The following CLU variants were observed in gnomAD, a reference collection of about 807,000 sequenced individuals.
CLU encodes clusterin, also known as aging-associated protein 4.
In CLU, 25 loss-of-function variants were observed where a neutral mutation model predicts 46.4. The ratio of observed to expected loss-of-function variants is 0.54; its 90% CI spans 0.39 to 0.75. CLU has a LOEUF of 0.75. CLU is among the 30% of genes least tolerant of loss of function. The pLI is 0.00. For synonymous variants in CLU, 235 were observed against 235.1 expected, an observed-to-expected ratio of 1.00 and a Z score of 0.00; for missense variants, 504 against 592.1, an observed-to-expected ratio of 0.85 and a Z score of 1.54.
At chr8:27,609,410 A>G (rs751658246) in intron 2 of CLU, among the ~76,000 whole-genome samples, 6 of 150,534 alleles carry the variant, frequency 4.0e-5, no homozygotes, top group Non-Finnish European at 8.9e-5. Flanking sequence ...AAAAAAACCC[A>G]GAAGTGTCAG....
At chr8:27,601,787 T>G (rs1800725796) in intron 6 of CLU, among the ~76,000 whole-genome samples, 1 of 152,038 alleles carries the variant, frequency 6.6e-6, no homozygotes, top group South Asian at 2.1e-4. Flanking sequence ...AACTTCATTA[T>G]TTTACCAAAA....
intron 2 of CLU, 126 bp downstream of exon 2, chr8:27,610,349 A>G (rs2128910218): frequency 1.3e-6 from 1 of 787,214 alleles, no homozygotes; most frequent in East Asian, 2.5e-5. Context: ...ACCCAGACCC[A>G]GTGCACAAGA....
chr8:27,610,546 A>G lies in CLU; in HGVS notation c.26T>C (p.Val9Ala), dbSNP rs745985571. Residue 9 changes from valine (V) to alanine (A), a missense_variant, in exon 2 of 9, where the codon GTG becomes GCG. By Grantham distance (64) the Val-to-Ala change is moderately conservative. This residue lies in a region of CLU where 73 missense variants were observed against 91.2 expected (regional missense o/e 0.80). Transcript: ENST00000316403. MMKTLLLFVGLLLTWESGQ... is the reference protein window; with the variant it reads MMKTLLLFAGLLLTWESGQ... ...ACTCTCCCAGGTCAGCAGCAGCCCCACAAACAGCAGCAGAGTCTTCATCAT... is the reference window on the plus strand; with the variant it reads ...ACTCTCCCAGGTCAGCAGCAGCCCCGCAAACAGCAGCAGAGTCTTCATCAT... 7 of 1,614,106 alleles carry G rather than the reference A, an allele frequency of 4.3e-6. No individual in the cohort carries two copies. The highest frequency in any genetic ancestry group is 5.9e-6 in the Non-Finnish European group (7 of 1,180,024).
In CLU at chr8:27,599,634, G is replaced by A. The variant is rs1414506722; in HGVS notation, c.1164+146C>T. 3 of 667,604 alleles carry A rather than the reference G, an allele frequency of 4.5e-6. No individual in the cohort carries two copies. Among genetic ancestry groups the A allele is most frequent in the South Asian group, 1.7e-5 (1 of 59,908 alleles). 41.4% of individuals were successfully genotyped at this position (667,604 alleles called of 1,614,324 possible). ...AGCAGGGTTATATTTTCCCTGAGTG[G>A]GTGATGAGGCTTCAAGGCAACAGGG... is the stretch of plus-strand genomic sequence containing the variant. On this transcript the variant is annotated intron_variant, in intron 7 of 8. Transcript: ENST00000316403. The surrounding 1 kb of genome is among the most constrained non-coding windows in gnomAD (Gnocchi z 4.0).
intron 7 of CLU, chr8:27,598,933 G>T: frequency 2.7e-6 from 1 of 373,406 alleles, no homozygotes; most frequent in Non-Finnish European, 4.9e-6. Context: ...CCCTTGGTCA[G>T]AGTAGGGTAG....
chr8:27,612,179 C>T (rs1800941029), intron 1 of CLU, among the ~76,000 whole-genome samples: 1 of 152,184 alleles, frequency 6.6e-6, no homozygotes, highest in African/African-American at 2.4e-5. Context: ...AACCTCTCTA[C>T]CCTAGCGGTG....
rs549647960 is a variant in CLU at position 27,604,357 on chromosome 8, G to A, written c.868C>T (p.His290Tyr). The part of the protein sequence containing the change: ...DDRTVCREIR[H>Y]NSTGCLRMKD... ...ATCCGCAGGCAGCCCGTGGAGTTGTGGCGGATCTCCCGGCACACAGTCCGG... is the reference window on the plus strand; with the variant it reads ...ATCCGCAGGCAGCCCGTGGAGTTGTAGCGGATCTCCCGGCACACAGTCCGG... The change falls in exon 6 of 9, where the codon CAC becomes TAC. Residue 290 changes from histidine to tyrosine, a missense_variant. By Grantham distance (83) the His-to-Tyr change is moderately conservative (BLOSUM62 2). Transcript: ENST00000316403. 6.2e-7 allele frequency: 1 copy of A among 1,614,166 alleles called. No homozygotes were observed. The highest frequency in any genetic ancestry group is 1.3e-5 in the African/African-American group (1 of 75,042).
intron 6 of CLU, among the ~76,000 whole-genome samples, chr8:27,601,046 T>C (rs1202419568): frequency 1.3e-5 from 2 of 152,190 alleles, no homozygotes; most frequent in Non-Finnish European, 2.9e-5. Flanking sequence ...TGGACAATCC[T>C]CCAAGCTTGT....
intron 6 of CLU, among the ~76,000 whole-genome samples, chr8:27,601,639 C>T (rs371213388): frequency 2.4e-4 from 36 of 152,282 alleles, no homozygotes; most frequent in African/African-American, 8.4e-4. Flanking sequence ...GTACATCAAA[C>T]GTGAGTCAGG....
chr8:27,604,272 G>T lies in CLU; in HGVS notation c.934+19C>A. ...CAAGGGATCAGGGGGGACGGCTTGT[G>T]GTCTGGACCCCGACTCACCCACAGA... On this transcript the variant is annotated intron_variant, in intron 6 of 8. Coordinates refer to ENST00000316403, the MANE Select transcript of CLU (RefSeq NM_001831.4). The T allele has an allele frequency of 1.2e-6, 2 of 1,600,526 alleles. No homozygotes were observed. Among genetic ancestry groups the T allele is most frequent in the Non-Finnish European group, 1.7e-6 (2 of 1,168,082 alleles).
In CLU at chr8:27,608,992, G is replaced by C. The variant is rs146277764; in HGVS notation, c.192C>G (p.Asn64Lys). 10 of 1,614,042 alleles carry C rather than the reference G, an allele frequency of 6.2e-6. No individual in the cohort carries two copies. The African/African-American group carries it at 1.2e-4, about 19-fold the overall frequency. The change falls in exon 3 of 9, where the codon AAC (asparagine) becomes AAG (lysine). Residue 64 changes from asparagine (N) to lysine (K), a missense_variant. Transcript: ENST00000316403. ...TGCTGAGCAGTGTCTTGCGCTCTTC[G>C]TTTGTTTTTTCTATGAGAGTCTTTA... is the stretch of plus-strand genomic sequence containing the variant. ...KQIKTLIEKTNEERKTLLSNL... is the reference protein window; with the variant it reads ...KQIKTLIEKTKEERKTLLSNL...
chr8:27,601,719 G>A (rs1800724541), intron 6 of CLU, among the ~76,000 whole-genome samples: 1 of 152,018 alleles, frequency 6.6e-6, no homozygotes, highest in African/African-American at 2.4e-5. Context: ...ATGTTAGGTG[G>A]GGAAAGAAAC....
chr8:27,611,033 G>T (rs535300838), intron 1 of CLU: 464 of 377,482 alleles, frequency 1.2e-3, no homozygotes, highest in Middle Eastern at 5.8e-3. Flanking sequence ...TCCACAGAGG[G>T]ACTGCATCCC....
At chr8:27,611,089 C>T (rs1800919161) in intron 1 of CLU, 4 of 415,014 alleles carry the variant, frequency 9.6e-6, no homozygotes, top group Non-Finnish European at 1.9e-5. Flanking sequence ...ACCTTCACCC[C>T]AGCAGACGCT....
In CLU at chr8:27,598,465, C is replaced by T. The variant is rs1479583180; in HGVS notation, c.1335G>A (p.Lys445=). 6.2e-7 allele frequency: 1 copy of T among 1,613,872 alleles called. No homozygotes were observed. The highest frequency in any genetic ancestry group is 1.7e-5 in the Admixed American group (1 of 59,984). The change falls in exon 8 of 9, where the codon AAG becomes AAA. Residue 445 remains lysine (K), a synonymous_variant. Transcript: ENST00000316403. The part of the protein sequence containing the change: ...AEKALQEYRK[K]HREE The stretch of plus-strand genomic sequence containing the variant: ...GGAAAGGCCCGCCTGCTTACCGGTG[C>T]TTTTTGCGGTATTCCTGCAGCGCTT...
At chr8:27,611,739 T>C in intron 1 of CLU, 1 of 457,632 alleles carries the variant, frequency 2.2e-6, no homozygotes, top group South Asian at 1.5e-5. Context: ...TGAGAAGTAA[T>C]CAGGCGCAAA....
intron 6 of CLU, among the ~76,000 whole-genome samples, chr8:27,601,011 T>A (rs187097298): frequency 6.6e-6 from 1 of 152,336 alleles, no homozygotes; most frequent in East Asian, 1.9e-4. Flanking sequence ...AAGCTTGGGC[T>A]TTTCCTACCC....
Position 27,597,427 on chromosome 8 carries a change from C to A in CLU, c.*814G>T, listed in dbSNP as rs764612869. The A allele has an allele frequency of 4.4e-6, 2 of 454,324 alleles. No individual in the cohort carries two copies. The highest frequency in any genetic ancestry group is 1.4e-4 in the East Asian group (2 of 14,400). The allele number at this position is 454,324 out of a possible 1,614,324, so 28.1% of individuals were successfully genotyped here. ...AAGGTATGAAGATCATATAAACCGG[C>A]GGTGGACAGGAAATGCCACAGTCAA... is the stretch of plus-strand genomic sequence containing the variant. On this transcript the variant is annotated 3_prime_UTR_variant, in exon 9 of 9. Transcript: ENST00000316403.
Position 27,596,926 on chromosome 8 carries a change from A to T in CLU, c.*1315T>A, listed in dbSNP as rs1407911346. 4.4e-6 allele frequency: 2 copies of T among 450,256 alleles called. No homozygotes were observed. Among genetic ancestry groups the T allele is most frequent in the Non-Finnish European group, 8.9e-6 (2 of 224,286 alleles). The allele number at this position is 450,256 out of a possible 1,614,324, so 27.9% of individuals were successfully genotyped here. A position where few individuals can be genotyped will look rare whatever the true frequency, so the allele number is the denominator to read the frequency against. On this transcript the variant is annotated 3_prime_UTR_variant, in exon 9 of 9. Coordinates refer to ENST00000316403, the MANE Select transcript of CLU (RefSeq NM_001831.4). ...AGTGGAAAAGAAAAAGTAACTTTTG[A>T]AACAGTGTGACATTAATGTGACAAT...
Sources: gnomAD v4.1 joint callset for allele counts (sites outside exome capture counted in the v4.1 genomes callset) on GRCh38, gnomAD v4.1.1 for gene constraint, gnomAD v4.1.1 regional missense constraint, Gnocchi (gnomAD v3.1) non-coding constraint, MANE v1.5 for transcripts, NCBI Gene and HGNC (gene_info 2026-07-23, HGNC 2026-07-21) for gene names.